Variants in SAMD4A observed in about 807,000 individuals in gnomAD.
SAMD4A encodes the protein protein Smaug homolog 1.
SAMD4A carries 33 observed loss-of-function variants against 81.3 expected under a neutral mutation model. That is an observed-to-expected ratio of 0.41 (90% confidence interval 0.31 to 0.54). The LOEUF is 0.54. SAMD4A is among the 20% of genes least tolerant of loss of function. The pLI is 0.37. For missense variants in SAMD4A, 854 were observed against 951.1 expected, an observed-to-expected ratio of 0.90 and a Z score of 1.34; for synonymous variants, 389 against 382.1, an observed-to-expected ratio of 1.02 and a Z score of -0.21.
intron 2 of SAMD4A, among the ~76,000 whole-genome samples, chr14:54,633,762 T>C (rs2034961197): frequency 6.6e-6 from 1 of 152,212 alleles, no homozygotes; most frequent in South Asian, 2.1e-4. Flanking sequence ...TCTGCTTTAC[T>C]ATCCTTTATA....
intron 2 of SAMD4A, among the ~76,000 whole-genome samples, chr14:54,578,591 A>G (rs1343728393): frequency 1.3e-5 from 2 of 152,138 alleles, no homozygotes; most frequent in Non-Finnish European, 2.9e-5. Flanking sequence ...GTGTGCCTGT[A>G]GTCCCAACTA....
chr14:54,685,560 C>T (rs779844592), intron 2 of SAMD4A: 6 of 395,854 alleles, frequency 1.5e-5, no homozygotes, highest in Non-Finnish European at 3.0e-5. Flanking sequence ...CTACTGTGAA[C>T]ATTGGTACGC....
At chr14:54,762,315 T>C (rs1357724152) in intron 7 of SAMD4A, among the ~76,000 whole-genome samples, 1 of 152,220 alleles carries the variant, frequency 6.6e-6, no homozygotes, top group Admixed American at 6.5e-5. Context: ...GGAAAACAAT[T>C]TTTTCTCTGT....
chr14:54,623,038 G>C (rs1165876450), intron 2 of SAMD4A, among the ~76,000 whole-genome samples: 1 of 152,230 alleles, frequency 6.6e-6, no homozygotes, highest in Non-Finnish European at 1.5e-5. Flanking sequence ...TGTGAGGGCA[G>C]GACCTGTTTG....
At chr14:54,642,933 A>G (rs960702630) in intron 2 of SAMD4A, among the ~76,000 whole-genome samples, 1 of 152,136 alleles carries the variant, frequency 6.6e-6, no homozygotes, top group African/African-American at 2.4e-5. Flanking sequence ...TGAGCCCAAT[A>G]TGTGGGGTAA....
At chr14:54,716,613 G>A (rs183031533) in intron 3 of SAMD4A, among the ~76,000 whole-genome samples, 22 of 152,202 alleles carry the variant, frequency 1.4e-4, no homozygotes, top group Middle Eastern at 3.4e-3. Flanking sequence ...TTCATTTGCC[G>A]GAACTCTTAA....
chr14:54,782,518 G>A (rs1339670906), intron 11 of SAMD4A, among the ~76,000 whole-genome samples: 1 of 152,142 alleles, frequency 6.6e-6, no homozygotes, highest in Non-Finnish European at 1.5e-5. Context: ...AGCAACTAGT[G>A]GGTGGGGGCG....
intron 2 of SAMD4A, among the ~76,000 whole-genome samples, chr14:54,634,810 C>T (rs2034994439): frequency 6.6e-6 from 1 of 152,100 alleles, no homozygotes; most frequent in Non-Finnish European, 1.5e-5. Flanking sequence ...TGTGAATATA[C>T]TGACACGTTA....
intron 8 of SAMD4A, among the ~76,000 whole-genome samples, chr14:54,766,072 G>GAA (rs138931741): frequency 4.0e-5 from 6 of 149,788 alleles, no homozygotes; most frequent in African/African-American, 1.5e-4. Context: ...ACTTTTCACT[G>GAA]AAAAAAAAAT....
At chr14:54,569,231 G>GC (rs2033055446) in intron 2 of SAMD4A, among the ~76,000 whole-genome samples, 1 of 152,186 alleles carries the variant, frequency 6.6e-6, no homozygotes, top group Non-Finnish European at 1.5e-5. Flanking sequence ...CCAGTCCAGG[G>GC]CAGTGGGGCC....
intron 3 of SAMD4A, among the ~76,000 whole-genome samples, chr14:54,706,891 A>G (rs1297185136): frequency 1.3e-5 from 2 of 152,150 alleles, no homozygotes; most frequent in African/African-American, 4.8e-5. Context: ...TTGACACCCT[A>G]GGCATAGGAG....
At chr14:54,725,128 C>A (rs559663152) in intron 3 of SAMD4A, among the ~76,000 whole-genome samples, 2 of 152,146 alleles carry the variant, frequency 1.3e-5, no homozygotes, top group Non-Finnish European at 2.9e-5. Flanking sequence ...TATGAGGAAC[C>A]CAATGTTACC....
At chr14:54,589,234 A>G (rs1446631496) in intron 2 of SAMD4A, among the ~76,000 whole-genome samples, 2 of 152,218 alleles carry the variant, frequency 1.3e-5, no homozygotes, top group African/African-American at 4.8e-5. Context: ...GGAGTAATTT[A>G]CACGCTCATC....
At chr14:54,741,589 AC>A (rs1340956166) in intron 4 of SAMD4A, among the ~76,000 whole-genome samples, 2 of 152,218 alleles carry the variant, frequency 1.3e-5, no homozygotes, top group Non-Finnish European at 2.9e-5. Context: ...GAAGCGAATC[AC>A]TATCAGATGA....
intron 5 of SAMD4A, among the ~76,000 whole-genome samples, chr14:54,749,728 C>T (rs2038054505): frequency 6.6e-6 from 1 of 152,160 alleles, no homozygotes; most frequent in Admixed American, 6.5e-5. Context: ...TCTTTGTTTC[C>T]CTTGTTTAAA....
At chr14:54,582,613 A>G (rs2033500404) in intron 2 of SAMD4A, among the ~76,000 whole-genome samples, 1 of 152,198 alleles carries the variant, frequency 6.6e-6, no homozygotes, top group African/African-American at 2.4e-5. Flanking sequence ...TAAATGCCAC[A>G]TGAAGTTCTG....
chr14:54,581,787 C>A (rs145463753), intron 2 of SAMD4A, among the ~76,000 whole-genome samples: 1 of 152,238 alleles, frequency 6.6e-6, no homozygotes, highest in African/African-American at 2.4e-5. Context: ...AAGAGGTAAA[C>A]CTAGATAAAA....
intron 2 of SAMD4A, among the ~76,000 whole-genome samples, chr14:54,692,297 T>A (rs1033055635): frequency 6.6e-6 from 1 of 152,226 alleles, no homozygotes; most frequent in Non-Finnish European, 1.5e-5. Context: ...TTGTGTGGCA[T>A]GGCTGTTGTT....
chr14:54,782,258 T>G (rs1198119880), intron 11 of SAMD4A, among the ~76,000 whole-genome samples: 1 of 152,206 alleles, frequency 6.6e-6, no homozygotes, highest in Non-Finnish European at 1.5e-5. Context: ...TCCACAGTGT[T>G]TGTTTAAAGG....
Sources: allele counts gnomAD v4.1 joint callset (sites outside exome capture counted in the v4.1 genomes callset), GRCh38; gene constraint gnomAD v4.1.1; transcripts MANE v1.5; gene names NCBI Gene and HGNC (gene_info 2026-07-23, HGNC 2026-07-21).